The following TRAF3IP1 variants were observed in gnomAD, a reference collection of about 807,000 sequenced individuals.
TRAF3IP1 encodes the protein TRAF3-interacting protein 1.
In TRAF3IP1, 53 loss-of-function variants were observed where a neutral mutation model predicts 89.9. The observed-to-expected ratio is 0.59, with a 90% confidence interval of 0.47 to 0.74. The LOEUF (loss-of-function observed/expected upper bound fraction) is 0.74. Ranked by LOEUF, TRAF3IP1 falls within the 30% of genes least tolerant of loss-of-function variation. The probability of loss-of-function intolerance (pLI) is 0.00; values close to 1 mark genes in which losing one functional copy is unlikely to be tolerated. For missense variants in TRAF3IP1, 806 were observed against 866.1 expected, an observed-to-expected ratio of 0.93 and a Z score of 0.87; for synonymous variants, 311 against 322.1, an observed-to-expected ratio of 0.97 and a Z score of 0.37.
intron 15 of TRAF3IP1, among the ~76,000 whole-genome samples, chr2:238,383,799 T>C (rs1700645138): frequency 6.6e-6 from 1 of 152,206 alleles, no homozygotes. Flanking sequence ...TGAATAACTT[T>C]TTGTTTGTGC....
rs746714906 is a variant in TRAF3IP1, at chr2:238,325,917, C to T, written c.301C>T (p.Pro101Ser). Residue 101 changes from proline (P) to serine (S), a missense_variant, in exon 3 of 17, where the codon CCT becomes TCT. Physicochemically the swap from Pro to Ser is moderately conservative, Grantham distance 74 (BLOSUM62 -1). Transcript: ENST00000373327. ...AGCCCGAATCGTGGCGGGGCATGAG[C>T]CTGAAAGAACAAACGAGCTGCTCCA... Reference protein sequence around the residue: ...KPARIVAGHEPERTNELLQII... With the variant: ...KPARIVAGHESERTNELLQII... 1 of 1,614,074 alleles carries T rather than the reference C, an allele frequency of 6.2e-7. No homozygotes were observed. Among genetic ancestry groups the T allele is most frequent in the East Asian group, 2.2e-5 (1 of 44,878 alleles).
chr2:238,367,035 G>A (rs572891602), intron 15 of TRAF3IP1, among the ~76,000 whole-genome samples: 2 of 151,604 alleles, frequency 1.3e-5, no homozygotes, highest in African/African-American at 4.8e-5. Context: ...GTGGTGGCAC[G>A]TGCCTGTAAT....
intron 5 of TRAF3IP1, 54 bp downstream of exon 5, chr2:238,329,396 T>A: frequency 1.5e-6 from 2 of 1,313,380 alleles, no homozygotes; most frequent in South Asian, 3.1e-5. Flanking sequence ...TGTGGTGGTC[T>A]CAAACATGAT....
intron 15 of TRAF3IP1, among the ~76,000 whole-genome samples, chr2:238,383,555 T>C (rs1700636449): frequency 6.6e-6 from 1 of 152,214 alleles, no homozygotes; most frequent in Non-Finnish European, 1.5e-5. Flanking sequence ...TTGCTATAAT[T>C]AGAAATGCTG....
chr2:238,333,646 G>A (rs1267168198), intron 6 of TRAF3IP1, among the ~76,000 whole-genome samples: 1 of 152,174 alleles, frequency 6.6e-6, no homozygotes, highest in Non-Finnish European at 1.5e-5. Flanking sequence ...TAAGTATATA[G>A]CAACAGAAGT....
chr2:238,326,658 G>T (rs1574890288), intron 3 of TRAF3IP1, among the ~76,000 whole-genome samples: 1 of 152,114 alleles, frequency 6.6e-6, no homozygotes, highest in Admixed American at 6.5e-5. Context: ...GCCGAGTAGT[G>T]CCCTGTGGAG....
intron 15 of TRAF3IP1, among the ~76,000 whole-genome samples, chr2:238,371,082 A>G (rs1700092359): frequency 6.6e-6 from 1 of 152,256 alleles, no homozygotes. Context: ...AAAATGTGAT[A>G]AGAACGAAGT....
chr2:238,386,215 C>A (rs1236601849), intron 15 of TRAF3IP1, among the ~76,000 whole-genome samples: 3 of 152,150 alleles, frequency 2.0e-5, no homozygotes, highest in Non-Finnish European at 4.4e-5. Flanking sequence ...CTTAGAGTCA[C>A]AGAGGGTTGT....
Position 238,339,212 on chromosome 2 carries a change from C to T in TRAF3IP1, c.1159+755C>T, listed in dbSNP as rs183283868. Reference sequence around the variant, plus strand: ...GCTGGCATTTCCAGGAGTGGGCGCACTTGGTACAGCAGCCGCAGTGTGAAA... The same window carrying T: ...GCTGGCATTTCCAGGAGTGGGCGCATTTGGTACAGCAGCCGCAGTGTGAAA... On this transcript the variant is annotated intron_variant, in intron 8 of 16. Coordinates refer to ENST00000373327, the MANE Select transcript of TRAF3IP1 (RefSeq NM_015650.4). Among the ~76,000 whole-genome samples the T allele has an allele frequency of 2.2e-3, 328 of 152,244 alleles. 1 individual carries two copies. Among genetic ancestry groups the T allele is most frequent in the African/African-American group, 7.7e-3 (321 of 41,540 alleles).
intron 15 of TRAF3IP1, among the ~76,000 whole-genome samples, chr2:238,373,602 T>A (rs1421586901): frequency 1.3e-5 from 2 of 152,288 alleles, no homozygotes; most frequent in Admixed American, 6.5e-5. Flanking sequence ...CTTAGGATCG[T>A]CTTGGCAATG....
chr2:238,360,576 G>A (rs1699614024), intron 15 of TRAF3IP1, among the ~76,000 whole-genome samples: 1 of 152,078 alleles, frequency 6.6e-6, no homozygotes, highest in Non-Finnish European at 1.5e-5. Context: ...GTCAGCACTA[G>A]GTACGGTCAA....
intron 15 of TRAF3IP1, among the ~76,000 whole-genome samples, chr2:238,369,425 C>G (rs1700014782): frequency 6.6e-6 from 1 of 152,192 alleles, no homozygotes; most frequent in Admixed American, 6.5e-5. Flanking sequence ...CAGAAGCATC[C>G]AGTCCAGAAT....
intron 1 of TRAF3IP1, among the ~76,000 whole-genome samples, chr2:238,324,260 G>A (rs1382265943): frequency 6.6e-6 from 1 of 152,116 alleles, no homozygotes; most frequent in Non-Finnish European, 1.5e-5. Flanking sequence ...TAGAGACGGG[G>A]TTTCACCTTG....
chr2:238,341,835 G>A (rs1698674255), intron 8 of TRAF3IP1, among the ~76,000 whole-genome samples: 1 of 152,152 alleles, frequency 6.6e-6, no homozygotes. Context: ...CCCATGGAGA[G>A]AGGAAGCGCC....
chr2:238,338,461 A>T lies in TRAF3IP1; in HGVS notation c.1159+4A>T, dbSNP rs372154171. On this transcript the variant is annotated splice_donor_region_variant and intron_variant, in intron 8 of 16. Coordinates refer to ENST00000373327, the MANE Select transcript of TRAF3IP1 (RefSeq NM_015650.4). ...GAAACGACAACATCAGAAATAGGTA[A>T]GAAAAATATATTCTTTAGTTTAAAT... is the stretch of plus-strand genomic sequence containing the variant. 3.1e-5 allele frequency: 46 copies of T among 1,503,806 alleles called. No homozygotes were observed. In the Middle Eastern group the frequency reaches 7.0e-4, roughly 23 times the overall value. 93.2% of individuals were successfully genotyped at this position (1,503,806 alleles called of 1,614,324 possible).
chr2:238,335,460 T>C (rs979353285), intron 7 of TRAF3IP1, among the ~76,000 whole-genome samples: 2 of 152,184 alleles, frequency 1.3e-5, no homozygotes, highest in African/African-American at 4.8e-5. Context: ...ACTTCCACTT[T>C]TTTATTTTTA....
At chr2:238,363,076 G>A (rs1699730759) in intron 15 of TRAF3IP1, among the ~76,000 whole-genome samples, 1 of 151,878 alleles carries the variant, frequency 6.6e-6, no homozygotes, top group African/African-American at 2.4e-5. Context: ...CCAAAATTTT[G>A]TGTCTTTTTA....
At chr2:238,378,575 C>T (rs183101094) in intron 15 of TRAF3IP1, among the ~76,000 whole-genome samples, 62 of 152,058 alleles carry the variant, frequency 4.1e-4, no homozygotes, top group South Asian at 3.5e-3. Context: ...AAAAATAGAA[C>T]TTCATCTCTA....
intron 8 of TRAF3IP1, among the ~76,000 whole-genome samples, chr2:238,338,668 A>G (rs554528804): frequency 1.5e-3 from 231 of 152,352 alleles, no homozygotes; most frequent in Non-Finnish European, 2.4e-3. Flanking sequence ...GCTTTTAGTT[A>G]ATTATATGCC....
Sources: allele counts gnomAD v4.1 joint callset (sites outside exome capture counted in the v4.1 genomes callset), GRCh38; gene constraint gnomAD v4.1.1; transcripts MANE v1.5; gene names NCBI Gene and HGNC (gene_info 2026-07-23, HGNC 2026-07-21).